ATG3: variants seen among roughly 807,000 people sequenced by gnomAD.
The protein encoded by ATG3 is ubiquitin-like-conjugating enzyme ATG3.
In ATG3, 25 loss-of-function variants were observed where a neutral mutation model predicts 50.7. The ratio of observed to expected loss-of-function variants is 0.49; its 90% CI spans 0.36 to 0.69. The LOEUF (loss-of-function observed/expected upper bound fraction) is 0.69, where lower values mean the gene tolerates loss of function less well. Among genes scored for constraint, ATG3 ranks in the 30% least tolerant of loss-of-function variants. The pLI is 0.00. For synonymous variants in ATG3, 119 were observed against 125.5 expected (o/e 0.95, Z 0.34); for missense variants, 281 against 376.0 (o/e 0.75, Z 2.09).
intron 3 of ATG3, among the ~76,000 whole-genome samples, chr3:112,552,317 ACT>A (rs908371047): frequency 4.6e-5 from 7 of 152,182 alleles, no homozygotes; most frequent in African/African-American, 1.4e-4. Flanking sequence ...GTAATAAAAC[ACT>A]GTTATTATTC....
At chr3:112,557,252 CCT>C (rs1333310201) in intron 2 of ATG3, among the ~76,000 whole-genome samples, 2 of 152,220 alleles carry the variant, frequency 1.3e-5, no homozygotes, top group Non-Finnish European at 2.9e-5. Context: ...GGGGTTTCGC[CCT>C]GTTAGCCTGT....
chr3:112,555,182 T>C (rs927831619), intron 2 of ATG3, among the ~76,000 whole-genome samples: 3 of 151,954 alleles, frequency 2.0e-5, no homozygotes, highest in Admixed American at 2.0e-4. Context: ...ACAAGAACAC[T>C]AGGAGGCAAG....
intron 8 of ATG3, 56 bp downstream of exon 8, chr3:112,538,090 A>G (rs535521064): frequency 7.5e-7 from 1 of 1,342,150 alleles, no homozygotes; most frequent in African/African-American, 1.5e-5. Flanking sequence ...TAGTAAGAAC[A>G]TGCATCCCCA....
intron 11 of ATG3, chr3:112,533,920 A>G (rs2082573428): frequency 9.4e-7 from 1 of 1,058,978 alleles, no homozygotes; most frequent in African/African-American, 1.7e-5. Flanking sequence ...CCTCAGATTG[A>G]CACAACCTAA....
At chr3:112,533,781 T>A in intron 11 of ATG3, 1 of 985,370 alleles carries the variant, frequency 1.0e-6, no homozygotes, top group Non-Finnish European at 1.2e-6. Context: ...TATAGTAAGA[T>A]ACAAGAAAGG....
chr3:112,533,939 T>TTA, intron 11 of ATG3: 1 of 1,082,528 alleles, frequency 9.2e-7, no homozygotes, highest in Non-Finnish European at 1.1e-6. Context: ...AATTTTACTT[T>TTA]TACCTGATGG....
Position 112,558,554 on chromosome 3 carries a change from C to T in ATG3, c.73-137G>A, listed in dbSNP as rs1933751023. ...AAAAAAATTAGTCTATCTATCTAAT[C>T]TATAATCTATCTAATCTACCTATCT... On this transcript the variant is annotated intron_variant, in intron 1 of 11. Coordinates refer to ENST00000283290, the MANE Select transcript of ATG3 (RefSeq NM_022488.5). The T allele has an allele frequency of 7.5e-6, 5 of 662,416 alleles. No individual in the cohort carries two copies. In the South Asian group the frequency reaches 9.2e-5, roughly 12 times the overall value. The allele number at this position is 662,416 out of a possible 1,614,324, so 41.0% of individuals were successfully genotyped here.
In ATG3 at chr3:112,538,344, T is replaced by C. The variant is rs1576714879; in HGVS notation, c.476-164A>G. On this transcript the variant is annotated intron_variant, in intron 7 of 11. Coordinates refer to ENST00000283290, the MANE Select transcript of ATG3 (RefSeq NM_022488.5). ...GATATAAGTGAGCTAATTCTATACT[T>C]CCAAAGGCGAAAGCCCAGAGAAAGC... 9 of 578,610 alleles carry C rather than the reference T, an allele frequency of 1.6e-5. No individual in the cohort carries two copies. In the East Asian group the frequency reaches 2.5e-4, roughly 16 times the overall value. The allele number at this position is 578,610 out of a possible 1,614,324, so 35.8% of individuals were successfully genotyped here. A position where few individuals can be genotyped will look rare whatever the true frequency, so the allele number is the denominator to read the frequency against.
At chr3:112,537,165 T>C (rs1014872796) in intron 9 of ATG3, among the ~76,000 whole-genome samples, 6 of 151,908 alleles carry the variant, frequency 3.9e-5, no homozygotes, top group African/African-American at 7.3e-5. Flanking sequence ...AGAAAAAAAA[T>C]CTCACAAAAA....
At chr3:112,555,333 C>CA (rs1933638674) in intron 2 of ATG3, among the ~76,000 whole-genome samples, 1 of 152,140 alleles carries the variant, frequency 6.6e-6, no homozygotes, top group African/African-American at 2.4e-5. Flanking sequence ...TCTAAATGAT[C>CA]AATATTGCTT....
intron 7 of ATG3, among the ~76,000 whole-genome samples, chr3:112,538,616 T>G (rs1286054900): frequency 1.3e-5 from 2 of 152,226 alleles, no homozygotes; most frequent in East Asian, 3.8e-4. Context: ...CCCTCATCAC[T>G]GAGTGCTGTT....
At chr3:112,555,871 A>T (rs1048657258) in intron 2 of ATG3, among the ~76,000 whole-genome samples, 2 of 152,186 alleles carry the variant, frequency 1.3e-5, no homozygotes, top group Non-Finnish European at 2.9e-5. Flanking sequence ...ATTAAGTGTA[A>T]CAGTTATTTA....
intron 9 of ATG3, among the ~76,000 whole-genome samples, chr3:112,537,355 T>C (rs887784624): frequency 6.6e-6 from 1 of 152,212 alleles, no homozygotes; most frequent in African/African-American, 2.4e-5. Flanking sequence ...GAAAAATACA[T>C]ACATACAACA....
chr3:112,553,783 CTACTT>C (rs68021821), intron 2 of ATG3, among the ~76,000 whole-genome samples: 6,379 of 152,146 alleles, frequency 0.042, 244 homozygotes, highest in Admixed American at 0.11. Context: ...TAATGTAAGT[CTACTT>C]TATTATATCA....
At chr3:112,558,536 T>A (rs1201882751) in intron 1 of ATG3, 119 bp from the exon 2 acceptor site, 7 of 732,962 alleles carry the variant, frequency 9.6e-6, no homozygotes, top group South Asian at 1.7e-5. Flanking sequence ...CAAAAAAAAA[T>A]TAGTCTATCT....
chr3:112,559,319 G>A (rs1333423755), intron 1 of ATG3, among the ~76,000 whole-genome samples: 2 of 152,022 alleles, frequency 1.3e-5, no homozygotes, highest in African/African-American at 4.8e-5. Context: ...TTCTGGTAGA[G>A]TCTACAAAAA....
At chr3:112,558,688 A>G (rs112080571) in intron 1 of ATG3, among the ~76,000 whole-genome samples, 4 of 152,264 alleles carry the variant, frequency 2.6e-5, no homozygotes, top group African/African-American at 9.6e-5. Flanking sequence ...AATAATTATA[A>G]TACTATCAGA....
chr3:112,554,042 A>T (rs1051062867), intron 2 of ATG3, among the ~76,000 whole-genome samples: 1 of 152,254 alleles, frequency 6.6e-6, no homozygotes, highest in Non-Finnish European at 1.5e-5. Context: ...AATAAAAACC[A>T]GATTCAGGGA....
At chr3:112,538,028 G>T in intron 8 of ATG3, 118 bp downstream of exon 8, 1 of 1,195,100 alleles carries the variant, frequency 8.4e-7, no homozygotes, top group Non-Finnish European at 1.2e-6. Context: ...CGTTTTATAT[G>T]CTATAATCAA....
Sources: gnomAD v4.1 joint callset for allele counts (sites outside exome capture counted in the v4.1 genomes callset) on GRCh38, gnomAD v4.1.1 for gene constraint, MANE v1.5 for transcripts, NCBI Gene and HGNC (gene_info 2026-07-23, HGNC 2026-07-21) for gene names.